The following ST7L variants were observed in gnomAD, a reference collection of about 807,000 sequenced individuals.
ST7L encodes suppression of tumorigenicity 7 like, also known as suppressor of tumorigenicity 7 protein-like.
In ST7L, 57 loss-of-function variants were observed where a neutral mutation model predicts 72.5. That is an observed-to-expected ratio of 0.79 (90% CI 0.64 to 0.98). ST7L has a LOEUF of 0.98. Among genes scored for constraint, ST7L ranks in the 50% least tolerant of loss-of-function variants. The pLI, the probability that ST7L is intolerant of heterozygous loss-of-function variation, is 0.00. For missense variants in ST7L, 576 were observed against 672.2 expected (o/e 0.86, Z 1.58); for synonymous variants, 221 against 240.9 (o/e 0.92, Z 0.77).
chr1:112,599,073 A>AAAAAAAAAT (rs1190968815), intron 4 of ST7L, among the ~76,000 whole-genome samples: 47 of 56,988 alleles, frequency 8.2e-4, no homozygotes, highest in Non-Finnish European at 9.6e-4. Flanking sequence ...AAAAAAAAAA[A>AAAAAAAAAT]ATATATATAT....
In ST7L at chr1:112,556,975, AAAAAAAAAAC is replaced by A. The variant is rs1216298046; in HGVS notation, c.1246-967_1246-958del. On this transcript the variant is annotated intron_variant, in intron 11 of 14. Coordinates refer to ENST00000358039, the MANE Select transcript of ST7L (RefSeq NM_017744.5). ...GAGCGAGACTCTGTCTCAAAAAAAA[AAAAAAAAAAC>A]AAAAAAAAAAAAACACAAAGAAAAG... 2.0e-4 allele frequency among the ~76,000 whole-genome samples: 27 copies of A among 135,778 alleles called. 1 individual carries two copies. The highest frequency in any genetic ancestry group is 6.5e-4 in the African/African-American group (19 of 29,140). The allele number at this position is 135,778 out of a possible 152,430, so 89.1% of individuals were successfully genotyped here.
At chr1:112,578,210 TA>T in intron 10 of ST7L, 134 bp downstream of exon 10, 1 of 861,414 alleles carries the variant, frequency 1.2e-6, no homozygotes, top group Non-Finnish European at 1.8e-6. Context: ...GCAAGAAGCC[TA>T]AAAGCCCAAG....
At chr1:112,552,566 G>A (rs1366134559) in intron 12 of ST7L, among the ~76,000 whole-genome samples, 3 of 151,910 alleles carry the variant, frequency 2.0e-5, no homozygotes, top group Non-Finnish European at 4.4e-5. Context: ...CACTATGCCC[G>A]GCTAATTTTG....
chr1:112,534,812 A>G (rs1654925345), intron 14 of ST7L, among the ~76,000 whole-genome samples: 1 of 152,212 alleles, frequency 6.6e-6, no homozygotes, highest in African/African-American at 2.4e-5. Context: ...TCTTCTAAAA[A>G]CTGCTAAGCA....
Position 112,523,822 on chromosome 1 carries a change from A to T in ST7L, c.*2191T>A, listed in dbSNP as rs2101112363. ...TCCTTTAGAGAAGGCACATGACTGA[A>T]GTACCTCAGCTGCGCAGCCTGTAGC... On this transcript the variant is annotated 3_prime_UTR_variant, in exon 15 of 15. Transcript: ENST00000358039. 1 of 152,320 alleles carries T rather than the reference A, an allele frequency of 6.6e-6. No individual in the cohort carries two copies. The allele number at this position is 152,320 out of a possible 1,614,324, so 9.4% of individuals were successfully genotyped here.
intron 13 of ST7L, among the ~76,000 whole-genome samples, chr1:112,549,219 C>G (rs571845845): frequency 1.3e-5 from 2 of 152,156 alleles, no homozygotes; most frequent in African/African-American, 4.8e-5. Context: ...ATGGCGAAAC[C>G]CTGTTTCTAC....
chr1:112,603,810 G>C (rs1667791446), intron 3 of ST7L, among the ~76,000 whole-genome samples: 1 of 152,176 alleles, frequency 6.6e-6, no homozygotes, highest in Non-Finnish European at 1.5e-5. Context: ...ACAAGGAAGA[G>C]AGAGCTCTGG....
At chr1:112,560,807 C>CA (rs1425951452) in intron 11 of ST7L, among the ~76,000 whole-genome samples, 2 of 151,790 alleles carry the variant, frequency 1.3e-5, no homozygotes, top group African/African-American at 2.4e-5. Context: ...ACTAAAGACA[C>CA]AAAAAATTAG....
chr1:112,597,887 GTATAT>G (rs750182756), intron 5 of ST7L, 79 bp downstream of exon 5: 450 of 944,992 alleles, frequency 4.8e-4, no homozygotes, highest in Non-Finnish European at 2.3e-4. Context: ...AAATAACTCT[GTATAT>G]TATAATAAAT....
At chr1:112,568,873 T>G (rs1017586116) in intron 11 of ST7L, among the ~76,000 whole-genome samples, 1 of 142,264 alleles carries the variant, frequency 7.0e-6, no homozygotes, top group Non-Finnish European at 1.5e-5. Flanking sequence ...TATATATATA[T>G]ATATATATAT....
intron 11 of ST7L, among the ~76,000 whole-genome samples, chr1:112,576,165 A>G (rs1388494867): frequency 6.6e-6 from 1 of 152,050 alleles, no homozygotes; most frequent in Non-Finnish European, 1.5e-5. Context: ...ATTGCAGCTC[A>G]CTACAGTCTC....
In ST7L at chr1:112,600,800, T is replaced by C. The variant is rs760036375; in HGVS notation, c.500A>G (p.Tyr167Cys). Residue 167 changes from tyrosine to cysteine, a missense_variant, in exon 4 of 15, where the codon TAT becomes TGT. This residue lies in a region of ST7L where 511 missense variants were observed against 600.7 expected (regional missense o/e 0.85). Transcript: ENST00000358039. ...TGAAAGCAAAATGTAATACCTCCTA[T>C]ATTCTGCTCCTCTGAAAAGATTTAG... The part of the protein sequence containing the change: ...NPLNLFRGAE[Y>C]RRYTWVTGKE... The C allele has an allele frequency of 2.5e-6, 4 of 1,610,650 alleles. No individual in the cohort carries two copies. Among genetic ancestry groups the C allele is most frequent in the Admixed American group, 1.7e-5 (1 of 59,766 alleles).
intron 11 of ST7L, among the ~76,000 whole-genome samples, chr1:112,570,566 T>TACACACACACACAC (rs1349137965): frequency 8.6e-4 from 115 of 134,028 alleles, no homozygotes; most frequent in African/African-American, 3.5e-3. Context: ...TATATATATA[T>TACACACACACACAC]ATATACACAC....
At chr1:112,590,939 T>C (rs1665617951) in intron 6 of ST7L, among the ~76,000 whole-genome samples, 1 of 150,558 alleles carries the variant, frequency 6.6e-6, no homozygotes, top group Non-Finnish European at 1.5e-5. Context: ...CTTTTTTTTT[T>C]TTTTTTTTTG....
downstream of ST7L, chr1:112,520,178 A>T: frequency 8.0e-7 from 1 of 1,253,488 alleles, no homozygotes; most frequent in Non-Finnish European, 1.1e-6. Flanking sequence ...GCCCAGCCCA[A>T]AAAAGCGATT....
intron 4 of ST7L, among the ~76,000 whole-genome samples, chr1:112,599,073 A>AAAAAATATAT (rs1190968815): frequency 1.2e-4 from 7 of 56,998 alleles, no homozygotes; most frequent in African/African-American, 4.1e-4. Context: ...AAAAAAAAAA[A>AAAAAATATAT]ATATATATAT....
chr1:112,567,449 T>C (rs1661235640), intron 11 of ST7L, among the ~76,000 whole-genome samples: 1 of 152,214 alleles, frequency 6.6e-6, no homozygotes, highest in Non-Finnish European at 1.5e-5. Context: ...GAGCAGACTT[T>C]TAAAATTTTG....
downstream of ST7L, chr1:112,523,352 A>G (rs1652985893): frequency 6.6e-6 from 1 of 152,228 alleles, no homozygotes; most frequent in African/African-American, 2.4e-5. Flanking sequence ...GAGGTGCATA[A>G]GAGAGAAATG....
At chr1:112,592,486 C>T (rs1665860138) in intron 5 of ST7L, among the ~76,000 whole-genome samples, 1 of 152,184 alleles carries the variant, frequency 6.6e-6, no homozygotes, top group Admixed American at 6.5e-5. Context: ...TCAAACATGT[C>T]ACCAGCTAGC....
Sources: allele counts gnomAD v4.1 joint callset (sites outside exome capture counted in the v4.1 genomes callset), GRCh38; gene constraint gnomAD v4.1.1; regional missense constraint gnomAD v4.1.1; transcripts MANE v1.5; gene names NCBI Gene and HGNC (gene_info 2026-07-23, HGNC 2026-07-21).